PCLO: variants seen among roughly 807,000 people sequenced by gnomAD.
The protein encoded by PCLO is protein piccolo.
Under a neutral mutation model 427.5 loss-of-function variants are expected in PCLO, and 82 were observed. The observed-to-expected ratio is 0.19, with a 90% CI of 0.16 to 0.23. PCLO has a LOEUF of 0.23. Ranked by LOEUF, PCLO falls within the 10% of genes least tolerant of loss-of-function variation. PCLO has a pLI of 1.00. For synonymous variants in PCLO, 2,357 were observed against 2,155.4 expected (o/e 1.09, Z -2.59); for missense variants, 6,239 against 6,115.9 (o/e 1.02, Z -0.67).
chr7:83,071,939 A>G (rs1583984653), intron 3 of PCLO, among the ~76,000 whole-genome samples: 1 of 152,288 alleles, frequency 6.6e-6, no homozygotes, highest in East Asian at 1.9e-4. Flanking sequence ...GCTATAAAAC[A>G]TTGAATATTT....
intron 6 of PCLO, among the ~76,000 whole-genome samples, chr7:82,927,178 G>A (rs1794732240): frequency 6.6e-6 from 1 of 152,062 alleles, no homozygotes; most frequent in Non-Finnish European, 1.5e-5. Flanking sequence ...TTGTCAAATG[G>A]CAGATCCAGC....
At chr7:82,773,692 C>T (rs777963088) in intron 22 of PCLO, among the ~76,000 whole-genome samples, 2 of 151,946 alleles carry the variant, frequency 1.3e-5, no homozygotes, top group Admixed American at 6.6e-5. Context: ...AATTCCACCC[C>T]AATTATTTCT....
chr7:83,044,135 G>C (rs542462590), intron 3 of PCLO, among the ~76,000 whole-genome samples: 1 of 152,132 alleles, frequency 6.6e-6, no homozygotes, highest in South Asian at 2.1e-4. Context: ...TGTGGTGGCA[G>C]GGGAGAGACA....
chr7:82,806,410 C>G (rs1272222253), intron 20 of PCLO, among the ~76,000 whole-genome samples: 1 of 152,134 alleles, frequency 6.6e-6, no homozygotes, highest in East Asian at 1.9e-4. Context: ...TCTTTTCAGG[C>G]ATTTCCTAGT....
intron 3 of PCLO, among the ~76,000 whole-genome samples, chr7:83,122,386 A>C (rs1437237525): frequency 2.0e-5 from 3 of 151,200 alleles, no homozygotes; most frequent in African/African-American, 7.3e-5. Context: ...CCCAGGTTCA[A>C]GTGATTCTCC....
intron 3 of PCLO, among the ~76,000 whole-genome samples, chr7:83,089,649 T>C (rs144216084): frequency 6.6e-6 from 1 of 152,278 alleles, no homozygotes; most frequent in East Asian, 1.9e-4. Context: ...GTCCTTCCAC[T>C]TACTTGAAAG....
intron 22 of PCLO, among the ~76,000 whole-genome samples, chr7:82,784,716 A>G (rs1409936932): frequency 6.6e-6 from 1 of 152,200 alleles, no homozygotes; most frequent in Non-Finnish European, 1.5e-5. Flanking sequence ...ACAAAAAGGT[A>G]TATCTGTGAG....
At chr7:82,866,305 C>T (rs541824403) in intron 10 of PCLO, among the ~76,000 whole-genome samples, 20 of 151,768 alleles carry the variant, frequency 1.3e-4, no homozygotes, top group Admixed American at 1.2e-3. Flanking sequence ...TTCTCCTTAG[C>T]GTTTATTATC....
chr7:83,121,381 G>C (rs1791274847), intron 3 of PCLO, among the ~76,000 whole-genome samples: 1 of 151,480 alleles, frequency 6.6e-6, no homozygotes, highest in Non-Finnish European at 1.5e-5. Context: ...ACCAATAACA[G>C]ATAAACAAAA....
intron 3 of PCLO, among the ~76,000 whole-genome samples, chr7:82,982,971 T>C (rs1315073382): frequency 1.3e-5 from 2 of 151,734 alleles, no homozygotes; most frequent in Non-Finnish European, 2.9e-5. Context: ...TTTTCTCACC[T>C]GTGATTGGGA....
At chr7:82,807,442 T>C (rs1791477683) in intron 20 of PCLO, among the ~76,000 whole-genome samples, 1 of 152,150 alleles carries the variant, frequency 6.6e-6, no homozygotes, top group Non-Finnish European at 1.5e-5. Flanking sequence ...CTTAAGGATA[T>C]GTATAAAAAC....
intron 3 of PCLO, among the ~76,000 whole-genome samples, chr7:83,061,382 C>G (rs992820806): frequency 1.6e-4 from 24 of 152,144 alleles, no homozygotes; most frequent in South Asian, 4.1e-4. Flanking sequence ...TATTAAAGGT[C>G]TACCTGATTA....
intron 20 of PCLO, 184 bp downstream of exon 20, chr7:82,822,308 TAAA>T: frequency 7.0e-7 from 1 of 1,431,038 alleles, no homozygotes; most frequent in South Asian, 1.5e-5. Flanking sequence ...TCTATGTAAA[TAAA>T]AAAAATCTAA....
rs1790336855 is a variant in PCLO at position 82,757,224 on chromosome 7, C to T, written c.*1351G>A. 6.6e-6 allele frequency: 1 copy of T among 151,942 alleles called. No homozygotes were observed. Among genetic ancestry groups the T allele is most frequent in the African/African-American group, 2.4e-5 (1 of 41,390 alleles). The allele number at this position is 151,942 out of a possible 1,614,324, so 9.4% of individuals were successfully genotyped here. A position where few individuals can be genotyped will look rare whatever the true frequency, so the allele number is the denominator to read the frequency against. ...TTTATTCCCTGCTGAGTGTTTTTTC[C>T]ACAACTTCACGTTACTTCCTTAATT... On this transcript the variant is annotated 3_prime_UTR_variant, in exon 25 of 25. Coordinates refer to ENST00000333891, the MANE Select transcript of PCLO (RefSeq NM_033026.6).
intron 3 of PCLO, among the ~76,000 whole-genome samples, chr7:83,082,028 A>C (rs987514820): frequency 2.2e-4 from 34 of 151,722 alleles, no homozygotes; most frequent in African/African-American, 8.2e-4. Context: ...AAAAGACCAA[A>C]GATATTAGAT....
At chr7:82,986,284 T>C (rs1796253731) in intron 3 of PCLO, among the ~76,000 whole-genome samples, 1 of 151,968 alleles carries the variant, frequency 6.6e-6, no homozygotes, top group Admixed American at 6.6e-5. Flanking sequence ...GCCTCATTCA[T>C]ACATGATTTG....
intron 3 of PCLO, among the ~76,000 whole-genome samples, chr7:83,034,546 A>G (rs1286786792): frequency 1.3e-5 from 2 of 152,202 alleles, no homozygotes; most frequent in African/African-American, 2.4e-5. Context: ...TAACTTTCCA[A>G]TAATGATGCA....
chr7:82,845,143 TGATA>T (rs1289799341), intron 13 of PCLO, 124 bp downstream of exon 13: 21 of 683,678 alleles, frequency 3.1e-5, no homozygotes, highest in Non-Finnish European at 4.7e-5. Context: ...TTTCTTGTTT[TGATA>T]GATCATCTGG....
At chr7:82,959,884 C>A (rs1795617580) in intron 4 of PCLO, among the ~76,000 whole-genome samples, 1 of 152,112 alleles carries the variant, frequency 6.6e-6, no homozygotes, top group African/African-American at 2.4e-5. Context: ...CTTCCAATAA[C>A]CCCCTGCCAT....
Sources: gnomAD v4.1 joint callset for allele counts (sites outside exome capture counted in the v4.1 genomes callset) on GRCh38, gnomAD v4.1.1 for gene constraint, MANE v1.5 for transcripts, NCBI Gene and HGNC (gene_info 2026-07-23, HGNC 2026-07-21) for gene names.